GRM4: variants seen among roughly 807,000 people sequenced by gnomAD.
GRM4 encodes the protein metabotropic glutamate receptor 4.
Under a neutral mutation model 81.7 loss-of-function variants are expected in GRM4, and 28 were observed. That is an observed-to-expected ratio of 0.34 (90% CI 0.25 to 0.47). The LOEUF is 0.47. GRM4 is among the 20% of genes least tolerant of loss of function. GRM4 has a pLI of 1.00. For synonymous variants in GRM4, 488 were observed against 528.8 expected (o/e 0.92, Z 1.06); for missense variants, 948 against 1,290.0 (o/e 0.73, Z 4.06).
intron 3 of GRM4, among the ~76,000 whole-genome samples, chr6:34,091,134 G>A (rs565141118): frequency 5.5e-4 from 84 of 152,302 alleles, no homozygotes; most frequent in African/African-American, 1.9e-3. Flanking sequence ...CCCTCTCAGG[G>A]CACCAGCAGC....
intron 8 of GRM4, among the ~76,000 whole-genome samples, chr6:34,039,338 C>T (rs1484599593): frequency 6.6e-6 from 1 of 151,852 alleles, no homozygotes; most frequent in Non-Finnish European, 1.5e-5. Context: ...GAGGAGACGG[C>T]GGGGCCTCGA....
chr6:34,044,579 TACACAG>T (rs1232587142), intron 6 of GRM4, among the ~76,000 whole-genome samples: 6 of 143,438 alleles, frequency 4.2e-5, no homozygotes, highest in African/African-American at 1.0e-4. Flanking sequence ...TACACATATA[TACACAG>T]ACACAGACAC....
intron 3 of GRM4, 26 bp from the exon 4 acceptor site, chr6:34,062,054 G>C (rs554211195): frequency 1.0e-5 from 16 of 1,591,540 alleles, no homozygotes; most frequent in Non-Finnish European, 1.4e-5. Context: ...CAGTTAGTTG[G>C]GGTGGGCAGG....
At chr6:34,088,154 GCT>G (rs779764567) in intron 3 of GRM4, among the ~76,000 whole-genome samples, 3 of 152,034 alleles carry the variant, frequency 2.0e-5, no homozygotes, top group East Asian at 3.9e-4. Flanking sequence ...ACAGATTCTT[GCT>G]CTGTCACCCA....
upstream of GRM4, among the ~76,000 whole-genome samples, chr6:34,148,182 G>A (rs1770977746): frequency 6.6e-6 from 1 of 152,042 alleles, no homozygotes; most frequent in East Asian, 1.9e-4. Context: ...CCAGCCTGAG[G>A]CCTAGCTCTT....
In GRM4 at chr6:34,036,433, C is replaced by T. The variant is rs1406851211; in HGVS notation, c.1677G>A (p.Thr559=). Residue 559 remains threonine (T), a synonymous_variant, in exon 9 of 11, where the codon ACG becomes ACA. Coordinates refer to ENST00000538487, the MANE Select transcript of GRM4 (RefSeq NM_000841.4). This position sits in a 1 kb window ranked among gnomAD's most constrained non-coding sequence, Gnocchi z 9.0. ...CTGTGGGCCGCATGTCATAGGGACACGTCTTACAGGTGTAGCGGTCCACCT... is the reference window on the plus strand; with the variant it reads ...CTGTGGGCCGCATGTCATAGGGACATGTCTTACAGGTGTAGCGGTCCACCT... ...QYQVDRYTCK[T]CPYDMRPTEN... is the part of the protein sequence containing the mutation. 6.2e-6 allele frequency: 10 copies of T among 1,613,410 alleles called. No homozygotes were observed. Among genetic ancestry groups the T allele is most frequent in the African/African-American group, 2.7e-5 (2 of 74,938 alleles).
intron 3 of GRM4, among the ~76,000 whole-genome samples, chr6:34,076,494 C>T (rs1042858254): frequency 2.6e-5 from 4 of 152,196 alleles, no homozygotes; most frequent in African/African-American, 9.6e-5. Flanking sequence ...ACCAGACAAT[C>T]CCTTCACTCC....
chr6:34,080,010 G>A lies in GRM4; in HGVS notation c.736+11873C>T, dbSNP rs575563032. On this transcript the variant is annotated intron_variant, in intron 3 of 10. Transcript: ENST00000538487. The surrounding 1 kb of genome is among the most constrained non-coding windows in gnomAD (Gnocchi z 5.4). ...CAAAGTCCCCACAGGCCCCCCCAGG[G>A]CCCCATGCAATTTGCCCTCCTCCGG... Among the ~76,000 whole-genome samples the A allele has an allele frequency of 1.3e-5, 2 of 152,090 alleles. No homozygotes were observed. The highest frequency in any genetic ancestry group is 2.9e-5 in the Non-Finnish European group (2 of 67,974).
chr6:34,026,832 G>A (rs1196642042), intron 10 of GRM4, among the ~76,000 whole-genome samples: 1 of 152,198 alleles, frequency 6.6e-6, no homozygotes, highest in African/African-American at 2.4e-5. Context: ...GCTCTCAGGA[G>A]CACTGGGGAA....
chr6:34,040,184 G>T lies in GRM4; in HGVS notation c.1500C>A (p.His500Gln), dbSNP rs765049945. ...KVIGSWTDHLHLRIERMHWPG... is the reference protein window; with the variant it reads ...KVIGSWTDHLQLRIERMHWPG... ...TCCCTGCCCTCCCACTTACTCTAAG[G>T]TGCAGGTGGTCAGTCCAGGAGCCAA... The change falls in exon 8 of 11, where the codon CAC (histidine) becomes CAA (glutamine). Residue 500 changes from histidine to glutamine, a missense_variant. His to Gln is a conservative substitution (Grantham distance 24, BLOSUM62 0). Coordinates refer to ENST00000538487, the MANE Select transcript of GRM4 (RefSeq NM_000841.4). 4.3e-6 allele frequency: 7 copies of T among 1,613,870 alleles called. No individual in the cohort carries two copies. Among genetic ancestry groups the T allele is most frequent in the Non-Finnish European group, 5.9e-6 (7 of 1,179,876 alleles).
At chr6:34,106,231 A>C (rs925017706) in intron 2 of GRM4, among the ~76,000 whole-genome samples, 7 of 152,068 alleles carry the variant, frequency 4.6e-5, no homozygotes. Flanking sequence ...CCTTGCCAAC[A>C]TGGTGAAACC....
intron 3 of GRM4, among the ~76,000 whole-genome samples, chr6:34,087,843 T>TACACACACACACACACACACACAC (rs1767994030): frequency 4.5e-5 from 1 of 22,334 alleles, no homozygotes; most frequent in Admixed American, 3.7e-4. Flanking sequence ...CACACACACG[T>TACACACACACACACACACACACAC]CCTGGCCTAG....
At chr6:34,151,439 C>T (rs1036937486) in intron 1 of GRM4, among the ~76,000 whole-genome samples, 2 of 152,168 alleles carry the variant, frequency 1.3e-5, no homozygotes, top group Non-Finnish European at 2.9e-5. Context: ...GGCTGTCAGC[C>T]GTGAGCCAAA....
At position 34,136,001 on chromosome 6, in the gene GRM4, C is replaced by T. The variant is rs1026980346; in HGVS notation, c.-363-2142G>A. ...CGTGTGCAGGCAGGGGGCAGAGATG[C>T]TAACTGGCCAGCTGTGGGTGGGAGA... On this transcript the variant is annotated intron_variant, in intron 1 of 10. Coordinates refer to ENST00000538487, the MANE Select transcript of GRM4 (RefSeq NM_000841.4). This position sits in a 1 kb window ranked among gnomAD's most constrained non-coding sequence, Gnocchi z 4.1. 6.6e-5 allele frequency among the ~76,000 whole-genome samples: 10 copies of T among 152,216 alleles called. No homozygotes were observed. Among genetic ancestry groups the T allele is most frequent in the Non-Finnish European group, 1.5e-4 (10 of 68,022 alleles).
chr6:34,019,321 C>T lies in GRM4; in HGVS notation c.*3500G>A, dbSNP rs180878231. 1 of 152,432 alleles carries T rather than the reference C, an allele frequency of 6.6e-6. No homozygotes were observed. The highest frequency in any genetic ancestry group is 1.5e-5 in the Non-Finnish European group (1 of 68,088). The allele number at this position is 152,432 out of a possible 1,614,324, so 9.4% of individuals were successfully genotyped here. A position where few individuals can be genotyped will look rare whatever the true frequency, so the allele number is the denominator to read the frequency against. ...CCTGTGCATCCAGCTGGCCTGGAAG[C>T]TCCTGGGTGTCTGCTCAGGCTGGCA... On this transcript the variant is annotated 3_prime_UTR_variant, in exon 11 of 11. Transcript: ENST00000538487.
intron 1 of GRM4, among the ~76,000 whole-genome samples, chr6:34,151,615 C>T (rs1771047658): frequency 6.6e-6 from 1 of 152,220 alleles, no homozygotes; most frequent in Non-Finnish European, 1.5e-5. Context: ...CGCAGTCCAC[C>T]TGGCCCTGGG....
intron 9 of GRM4, among the ~76,000 whole-genome samples, chr6:34,031,805 TG>T (rs1764441227): frequency 6.6e-6 from 1 of 152,124 alleles, no homozygotes; most frequent in South Asian, 2.1e-4. Flanking sequence ...ACCTGAACCC[TG>T]GGGGAACGGG....
At chr6:34,038,935 C>T (rs1164400345) in intron 8 of GRM4, among the ~76,000 whole-genome samples, 1 of 152,212 alleles carries the variant, frequency 6.6e-6, no homozygotes, top group Non-Finnish European at 1.5e-5. Flanking sequence ...AGCAAGGGGA[C>T]GTGCTTAGAG....
rs566503632 is a variant in GRM4 at position 34,042,848 on chromosome 6, C to T, written c.1169-2100G>A. ...CAGTACCCTCTAATCCCCTCACACC[C>T]TCTAATCCTGGCCACACCAGTGGCC... On this transcript the variant is annotated intron_variant, in intron 6 of 10. Transcript: ENST00000538487. The surrounding 1 kb of genome is among the most constrained non-coding windows in gnomAD (Gnocchi z 4.2). 6.6e-6 allele frequency among the ~76,000 whole-genome samples: 1 copy of T among 152,292 alleles called. No individual in the cohort carries two copies. Among genetic ancestry groups the T allele is most frequent in the African/African-American group, 2.4e-5 (1 of 41,564 alleles).
Sources: gnomAD v4.1 joint callset for allele counts (sites outside exome capture counted in the v4.1 genomes callset) on GRCh38, gnomAD v4.1.1 for gene constraint, Gnocchi (gnomAD v3.1) non-coding constraint, MANE v1.5 for transcripts, NCBI Gene and HGNC (gene_info 2026-07-23, HGNC 2026-07-21) for gene names.